The following MPPED2 variants were observed in gnomAD, a reference collection of about 807,000 sequenced individuals.
MPPED2 encodes metallophosphoesterase MPPED2.
MPPED2 carries 5 observed loss-of-function variants against 33.0 expected under a neutral mutation model. The ratio of observed to expected loss-of-function variants is 0.15; its 90% confidence interval spans 0.08 to 0.32. The LOEUF (loss-of-function observed/expected upper bound fraction) is 0.32. Ranked by LOEUF, MPPED2 falls within the 10% of genes least tolerant of loss-of-function variation. MPPED2 has a pLI of 1.00. For missense variants in MPPED2, 275 were observed against 372.1 expected, an observed-to-expected ratio of 0.74 and a Z score of 2.15; for synonymous variants, 136 against 141.9, an observed-to-expected ratio of 0.96 and a Z score of 0.29.
At chr11:30,498,418 C>G (rs527699062) in intron 3 of MPPED2, among the ~76,000 whole-genome samples, 58 of 152,060 alleles carry the variant, frequency 3.8e-4, no homozygotes, top group African/African-American at 1.4e-3. Flanking sequence ...AACCCTATCT[C>G]TACTAAAAAT....
chr11:30,571,597 A>G (rs1330155162), intron 2 of MPPED2, among the ~76,000 whole-genome samples: 1 of 152,206 alleles, frequency 6.6e-6, no homozygotes, highest in Non-Finnish European at 1.5e-5. Context: ...CTACTTAAAC[A>G]TCTAGTTTCC....
rs71060450 is a variant in MPPED2, at chr11:30,458,914, C to CTTTTTT, written c.536+36376_536+36381dup. On this transcript the variant is annotated intron_variant, in intron 4 of 6. Coordinates refer to ENST00000358117, the MANE Select transcript of MPPED2 (RefSeq NM_001584.3). ...TTTTTTAGGACAATTTTGCACAGTT[C>CTTTTTT]TTTTTTTTTTTTTTTTTTTTTTTTT... Among the ~76,000 whole-genome samples the CTTTTTT allele has an allele frequency of 6.6e-3, 425 of 64,562 alleles. 48 individuals are homozygous for CTTTTTT. Among genetic ancestry groups the CTTTTTT allele is most frequent in the Non-Finnish European group, 0.01 (338 of 33,392 alleles). 42.4% of individuals were successfully genotyped at this position (64,562 alleles called of 152,430 possible).
At chr11:30,421,621 C>T (rs1948620566) in intron 4 of MPPED2, among the ~76,000 whole-genome samples, 1 of 152,112 alleles carries the variant, frequency 6.6e-6, no homozygotes, top group Non-Finnish European at 1.5e-5. Context: ...TCAGGGATAT[C>T]AAGTAACTTG....
At chr11:30,546,983 A>T (rs538814417) in intron 2 of MPPED2, among the ~76,000 whole-genome samples, 7 of 152,300 alleles carry the variant, frequency 4.6e-5, no homozygotes, top group African/African-American at 1.7e-4. Flanking sequence ...CAACCAAAGA[A>T]CTCATGAAAG....
intron 2 of MPPED2, among the ~76,000 whole-genome samples, chr11:30,560,566 A>T (rs1956196583): frequency 6.6e-6 from 1 of 152,176 alleles, no homozygotes; most frequent in Non-Finnish European, 1.5e-5. Context: ...AACTAACATA[A>T]GTGAAAATAC....
intron 4 of MPPED2, among the ~76,000 whole-genome samples, chr11:30,482,915 T>A (rs1321845887): frequency 6.6e-6 from 1 of 152,156 alleles, no homozygotes; most frequent in African/African-American, 2.4e-5. Context: ...AGAAGGTAAT[T>A]CCTACAGCAA....
chr11:30,426,870 C>G (rs1948861112), intron 4 of MPPED2, among the ~76,000 whole-genome samples: 2 of 152,278 alleles, frequency 1.3e-5, no homozygotes, highest in South Asian at 2.1e-4. Context: ...GGAGGTCCTT[C>G]CGTTTCCTCC....
chr11:30,402,747 A>T (rs1025779073), intron 6 of MPPED2, among the ~76,000 whole-genome samples: 1 of 152,196 alleles, frequency 6.6e-6, no homozygotes, highest in Non-Finnish European at 1.5e-5. Flanking sequence ...TTTTATTGTT[A>T]TTCCTGGATG....
chr11:30,448,529 TG>T (rs947162654), intron 4 of MPPED2, among the ~76,000 whole-genome samples: 1 of 152,216 alleles, frequency 6.6e-6, no homozygotes, highest in African/African-American at 2.4e-5. Context: ...TCCTTACAAC[TG>T]CCATTCAGGA....
At chr11:30,506,693 C>T (rs1185280841) in intron 3 of MPPED2, among the ~76,000 whole-genome samples, 9 of 152,158 alleles carry the variant, frequency 5.9e-5, no homozygotes, top group African/African-American at 7.2e-5. Flanking sequence ...TAACATAAGG[C>T]ATAAAGGCCA....
chr11:30,441,714 C>A (rs1366117219), intron 4 of MPPED2, among the ~76,000 whole-genome samples: 1 of 152,188 alleles, frequency 6.6e-6, no homozygotes, highest in African/African-American at 2.4e-5. Context: ...GCTTTTCCAG[C>A]ATGACAGCCT....
At chr11:30,528,943 T>C (rs1436758096) in intron 3 of MPPED2, among the ~76,000 whole-genome samples, 1 of 152,232 alleles carries the variant, frequency 6.6e-6, no homozygotes, top group Non-Finnish European at 1.5e-5. Flanking sequence ...CAATTCTACT[T>C]CTAGGAATAT....
chr11:30,516,923 T>C (rs1953566035), intron 3 of MPPED2, among the ~76,000 whole-genome samples: 2 of 152,196 alleles, frequency 1.3e-5, no homozygotes, highest in Admixed American at 1.3e-4. Flanking sequence ...ATTTCTCCAA[T>C]GGATGCAAAT....
intron 2 of MPPED2, among the ~76,000 whole-genome samples, chr11:30,577,846 C>T (rs1291729900): frequency 6.6e-6 from 1 of 152,210 alleles, no homozygotes; most frequent in East Asian, 1.9e-4. Context: ...AATCTCCAAG[C>T]ATCAATCTAT....
At chr11:30,451,473 T>G (rs967923726) in intron 4 of MPPED2, among the ~76,000 whole-genome samples, 2 of 152,292 alleles carry the variant, frequency 1.3e-5, no homozygotes, top group South Asian at 2.1e-4. Context: ...ATAATGAAGA[T>G]TCCAAATGCC....
At chr11:30,575,231 T>G (rs973063328) in intron 2 of MPPED2, among the ~76,000 whole-genome samples, 1 of 152,160 alleles carries the variant, frequency 6.6e-6, no homozygotes, top group African/African-American at 2.4e-5. Flanking sequence ...TAAAACAAGT[T>G]GGACTTGTCA....
intron 4 of MPPED2, among the ~76,000 whole-genome samples, chr11:30,424,031 TTCGCTCACTCGCTCACTTGCTCGC>T (rs1229944419): frequency 1.3e-5 from 2 of 152,164 alleles, no homozygotes; most frequent in Non-Finnish European, 2.9e-5. Context: ...CAGAAAGCCA[TTCGCTCACTCGCTCACTTGCTCGC>T]TCCCTCACTG....
chr11:30,505,348 G>T (rs938661870), intron 3 of MPPED2, among the ~76,000 whole-genome samples: 1 of 152,084 alleles, frequency 6.6e-6, no homozygotes, highest in Admixed American at 6.6e-5. Flanking sequence ...ACAACCACAA[G>T]GTAGTAGAAA....
chr11:30,543,604 C>G (rs925146023), intron 2 of MPPED2, among the ~76,000 whole-genome samples: 2 of 152,102 alleles, frequency 1.3e-5, no homozygotes, highest in South Asian at 2.1e-4. Context: ...CCACATCCAT[C>G]CACATATAAT....
Sources: gnomAD v4.1 joint callset for allele counts (sites outside exome capture counted in the v4.1 genomes callset) on GRCh38, gnomAD v4.1.1 for gene constraint, MANE v1.5 for transcripts, NCBI Gene and HGNC (gene_info 2026-07-23, HGNC 2026-07-21) for gene names.